PAK1: variants seen among roughly 807,000 people sequenced by gnomAD.
PAK1 encodes the protein serine/threonine-protein kinase PAK 1.
A neutral mutation model predicts 67.4 loss-of-function variants in PAK1; 29 were observed. That is an observed-to-expected ratio of 0.43 (90% CI 0.32 to 0.59). The LOEUF is 0.59. Among genes scored for constraint, PAK1 ranks in the 20% least tolerant of loss-of-function variants. The probability of loss-of-function intolerance (pLI) is 0.07; values close to 1 mark genes in which losing one functional copy is unlikely to be tolerated. For synonymous variants in PAK1, 223 were observed against 237.4 expected, an observed-to-expected ratio of 0.94 and a Z score of 0.56; for missense variants, 337 against 670.7, an observed-to-expected ratio of 0.50 and a Z score of 5.50.
At chr11:77,469,561 T>C (rs1407302802) in intron 1 of PAK1, among the ~76,000 whole-genome samples, 1 of 152,152 alleles carries the variant, frequency 6.6e-6, no homozygotes, top group Non-Finnish European at 1.5e-5. Flanking sequence ...GAGATAAAAA[T>C]TACTTCTACA....
At chr11:77,480,239 C>A in the PAK1 span, among the ~76,000 whole-genome samples, 2 of 152,046 alleles carry the variant, frequency 1.3e-5, no homozygotes, top group African/African-American at 2.4e-5. Context: ...CTCCCTCACT[C>A]CTTTCAGGTT....
At chr11:77,391,942 G>A (rs1009922094) in intron 2 of PAK1, among the ~76,000 whole-genome samples, 2 of 152,126 alleles carry the variant, frequency 1.3e-5, no homozygotes, top group African/African-American at 4.8e-5. Flanking sequence ...TAAAGAAAAG[G>A]CAATCAAGAT....
intron 1 of PAK1, among the ~76,000 whole-genome samples, chr11:77,449,318 T>A (rs756006360): frequency 1.3e-5 from 2 of 152,110 alleles, no homozygotes; most frequent in African/African-American, 4.8e-5. Flanking sequence ...TAAAGGAAAC[T>A]AGGCAGTGCG....
At chr11:77,416,197 T>G (rs1954942712) in intron 1 of PAK1, among the ~76,000 whole-genome samples, 1 of 152,216 alleles carries the variant, frequency 6.6e-6, no homozygotes, top group Non-Finnish European at 1.5e-5. Flanking sequence ...CAGGCTGGTC[T>G]CCAGCTCCTA....
At chr11:77,478,152 C>G (rs556847314), upstream of PAK1, among the ~76,000 whole-genome samples, 3 of 152,280 alleles carry the variant, frequency 2.0e-5, no homozygotes, top group South Asian at 6.2e-4. Flanking sequence ...TGGGAGGAAG[C>G]TAGAGTACAC....
At chr11:77,459,926 G>A (rs959408874) in intron 1 of PAK1, among the ~76,000 whole-genome samples, 1 of 151,680 alleles carries the variant, frequency 6.6e-6, no homozygotes, top group Non-Finnish European at 1.5e-5. Flanking sequence ...TCGATCTCCT[G>A]ACCTCGTGAT....
chr11:77,343,044 T>C (rs1464216914), intron 10 of PAK1, among the ~76,000 whole-genome samples: 1 of 152,170 alleles, frequency 6.6e-6, no homozygotes, highest in Non-Finnish European at 1.5e-5. Context: ...AGTTTCCTTG[T>C]CTGTAAAATA....
chr11:77,389,909 A>C (rs1019615827), intron 2 of PAK1, among the ~76,000 whole-genome samples: 1 of 152,248 alleles, frequency 6.6e-6, no homozygotes, highest in African/African-American at 2.4e-5. Context: ...TGAGTCAGCA[A>C]GAACAATTTA....
At chr11:77,446,514 A>G (rs1044900085) in intron 1 of PAK1, among the ~76,000 whole-genome samples, 1 of 147,934 alleles carries the variant, frequency 6.8e-6, no homozygotes, top group Non-Finnish European at 1.5e-5. Context: ...CCTGTCTCAA[A>G]AAAAAAAAAA....
intron 12 of PAK1, 122 bp downstream of exon 12, chr11:77,337,201 TA>T: frequency 1.9e-6 from 1 of 534,294 alleles, no homozygotes; most frequent in South Asian, 2.9e-5. Context: ...ACAGCCCTCA[TA>T]TCCCATGAAA....
chr11:77,337,394 C>T lies in PAK1; in HGVS notation c.1146G>A (p.Ser382=), dbSNP rs778837926. ...ECLQALEFLH[S]NQVIHRDIKS... Reference sequence around the variant, plus strand: ...TGATGTCTCTGTGAATGACCTGGTTCGAATGCAAGAACTCCAGAGCCTGCA... The same window carrying T: ...TGATGTCTCTGTGAATGACCTGGTTTGAATGCAAGAACTCCAGAGCCTGCA... Residue 382 remains serine (S), a synonymous_variant, in exon 12 of 15, where the codon TCG becomes TCA. Transcript: ENST00000356341. 6 of 1,610,500 alleles carry T rather than the reference C, an allele frequency of 3.7e-6. No individual in the cohort carries two copies. The highest frequency in any genetic ancestry group is 3.3e-5 in the Admixed American group (2 of 59,880).
intron 14 of PAK1, chr11:77,325,203 C>T (rs1939490538): frequency 8.9e-7 from 1 of 1,122,988 alleles, no homozygotes; most frequent in South Asian, 1.7e-5. Context: ...GTCTAATAAA[C>T]AAAACAGACT....
At chr11:77,477,424 A>C (rs987918874), upstream of PAK1, among the ~76,000 whole-genome samples, 14 of 152,064 alleles carry the variant, frequency 9.2e-5, no homozygotes, top group African/African-American at 3.4e-4. Flanking sequence ...ACATACATTT[A>C]AGAAAGATTA....
chr11:77,413,235 G>A (rs1167584598), intron 1 of PAK1, among the ~76,000 whole-genome samples: 1 of 152,212 alleles, frequency 6.6e-6, no homozygotes, highest in Admixed American at 6.5e-5. Context: ...AAGATCACTG[G>A]CTGTTCAGTG....
the PAK1 span, among the ~76,000 whole-genome samples, chr11:77,487,765 G>C: frequency 6.6e-6 from 1 of 152,294 alleles, no homozygotes. Context: ...CTCAGTCACA[G>C]TAGAATAGAG....
chr11:77,475,005 G>T, upstream of PAK1: 1 of 152,148 alleles, frequency 6.6e-6, no homozygotes. Flanking sequence ...ACATTTCTAA[G>T]CCGTAATTTT....
At chr11:77,360,133 A>G (rs1235823677) in intron 5 of PAK1, among the ~76,000 whole-genome samples, 2 of 152,156 alleles carry the variant, frequency 1.3e-5, no homozygotes, top group Admixed American at 6.5e-5. Context: ...TAACGGGATA[A>G]ATGGAAGAAC....
At chr11:77,399,424 T>C (rs1388174066) in intron 1 of PAK1, among the ~76,000 whole-genome samples, 1 of 152,288 alleles carries the variant, frequency 6.6e-6, no homozygotes, top group East Asian at 1.9e-4. Flanking sequence ...TAGGTCAGAC[T>C]AGTGGTCTTT....
intron 1 of PAK1, among the ~76,000 whole-genome samples, chr11:77,443,863 G>A (rs1376692908): frequency 6.6e-6 from 1 of 152,202 alleles, no homozygotes; most frequent in Non-Finnish European, 1.5e-5. Context: ...GCACCAAGCA[G>A]CTGTGATATC....
Sources: gnomAD v4.1 joint callset for allele counts (sites outside exome capture counted in the v4.1 genomes callset) on GRCh38, gnomAD v4.1.1 for gene constraint, MANE v1.5 for transcripts, NCBI Gene and HGNC (gene_info 2026-07-23, HGNC 2026-07-21) for gene names.